JAK3: variants seen among roughly 807,000 people sequenced by gnomAD.
The protein encoded by JAK3 is Janus kinase 3, also known as tyrosine-protein kinase JAK3.
In JAK3, 88 loss-of-function variants were observed where a neutral mutation model predicts 120.8. The observed-to-expected ratio is 0.73, with a 90% CI of 0.61 to 0.87. The LOEUF (loss-of-function observed/expected upper bound fraction) is 0.87, where lower values mean the gene tolerates loss of function less well. JAK3 is among the 40% of genes least tolerant of loss of function. JAK3 has a pLI of 0.00. For missense variants in JAK3, 1,254 were observed against 1,501.4 expected (o/e 0.84, Z 2.72); for synonymous variants, 592 against 628.6 (o/e 0.94, Z 0.87).
rs946321975 is a variant in JAK3 at position 17,824,915 on chromosome 19, G to A, written c.*1828C>T. ...ACACAGACACTTCCCCAGCCCCAGG[G>A]CCAGAGTGGGGCTGGAGGGAAGGAC... On this transcript the variant is annotated 3_prime_UTR_variant, in exon 24 of 24. Transcript: ENST00000458235. 4.6e-6 allele frequency: 1 copy of A among 218,724 alleles called. No homozygotes were observed. Among genetic ancestry groups the A allele is most frequent in the Non-Finnish European group, 9.2e-6 (1 of 108,858 alleles). The allele number at this position is 218,724 out of a possible 1,614,324, so 13.5% of individuals were successfully genotyped here. A position where few individuals can be genotyped will look rare whatever the true frequency, so the allele number is the denominator to read the frequency against.
intron 17 of JAK3, among the ~76,000 whole-genome samples, chr19:17,833,918 CTGTT>C (rs1281984254): frequency 6.6e-6 from 1 of 151,826 alleles, no homozygotes; most frequent in African/African-American, 2.4e-5. Flanking sequence ...GGCTAATTTT[CTGTT>C]TGTTTGTTTG....
In JAK3 at chr19:17,843,071, C is replaced by G. The variant is rs761971689; in HGVS notation, c.522G>C (p.Ala174=). The G allele has an allele frequency of 3.7e-6, 6 of 1,610,660 alleles. No individual in the cohort carries two copies. Among genetic ancestry groups the G allele is most frequent in the African/African-American group, 1.3e-5 (1 of 74,920 alleles). ...SLAVLDLARM[A]REQAQRPGEL... ...CTCCCGGCCGCTGGGCCTGCTCTCG[C>G]GCCATCCGGGCCAGGTCCAACACGG... The change falls in exon 5 of 24, where the codon GCG becomes GCC. Residue 174 remains alanine (A), a synonymous_variant. Transcript: ENST00000458235. This position sits in a 1 kb window ranked among gnomAD's most constrained non-coding sequence, Gnocchi z 5.4.
rs763563528 is a variant in JAK3, at chr19:17,831,195, A to T, written c.2978+33T>A. ...TGGGGGCGGAGCCAGAGCCGTGGGG[A>T]ATAGGGGCGGAGCCTAGGCGCGGGT... On this transcript the variant is annotated intron_variant, in intron 21 of 23. Transcript: ENST00000458235. The surrounding 1 kb of genome is among the most constrained non-coding windows in gnomAD (Gnocchi z 5.1). 6.2e-7 allele frequency: 1 copy of T among 1,601,094 alleles called. No homozygotes were observed. The highest frequency in any genetic ancestry group is 1.1e-5 in the South Asian group (1 of 90,908).
rs1299327170 is a variant in JAK3 at position 17,830,094 on chromosome 19, C to A, written c.3207+14G>T. 1.3e-6 allele frequency: 2 copies of A among 1,548,338 alleles called. No individual in the cohort carries two copies. The highest frequency in any genetic ancestry group is 2.4e-5 in the East Asian group (1 of 41,616). On this transcript the variant is annotated intron_variant, in intron 23 of 23. Transcript: ENST00000458235. The stretch of plus-strand genomic sequence containing the variant: ...TACAGACTGGGAAACTGAGGCTAGC[C>A]CTGCGGCGCTCACCTCAGCAGGGCA...
At position 17,830,156 on chromosome 19, in the gene JAK3, C is replaced by A. The variant is rs2094211116; in HGVS notation, c.3159G>T (p.Leu1053=). 4 of 1,596,658 alleles carry A rather than the reference C, an allele frequency of 2.5e-6. No homozygotes were observed. The highest frequency in any genetic ancestry group is 3.4e-6 in the Non-Finnish European group (4 of 1,172,748). Residue 1053 remains leucine, a synonymous_variant, in exon 23 of 24, where the codon CTG becomes CTT. Coordinates refer to ENST00000458235, the MANE Select transcript of JAK3 (RefSeq NM_000215.4). The part of the protein sequence containing the change: ...DVPALCRLLE[L]LEEGQRLPAP... ...CCGGCAGCCTCTGGCCCTCCTCCAGCAGTTCCAAGAGGCGGCAGAGGGCGG... is the reference window on the plus strand; with the variant it reads ...CCGGCAGCCTCTGGCCCTCCTCCAGAAGTTCCAAGAGGCGGCAGAGGGCGG...
At chr19:17,837,307 C>A (rs2094226660) in intron 12 of JAK3, 94 bp from the exon 13 acceptor site, 1 of 940,262 alleles carries the variant, frequency 1.1e-6, no homozygotes, top group Non-Finnish European at 1.7e-6. Context: ...AGGGGAACAC[C>A]TGGCCACAGG....
intron 1 of JAK3, among the ~76,000 whole-genome samples, chr19:17,846,873 C>T (rs557385964): frequency 2.0e-5 from 3 of 151,368 alleles, no homozygotes; most frequent in Middle Eastern, 3.4e-3. Flanking sequence ...ACGTGAGCCA[C>T]ATTGCCCAGC....
In JAK3 at chr19:17,824,835, T is replaced by C; in HGVS notation, c.*1908A>G. On this transcript the variant is annotated 3_prime_UTR_variant, in exon 24 of 24. Transcript: ENST00000458235. The stretch of plus-strand genomic sequence containing the variant: ...ACAAACATTTCCAGAGCCCCCTCTG[T>C]ACTGAGGCCTCAGCCCAGCCCCCAA... 1 of 204,866 alleles carries C rather than the reference T, an allele frequency of 4.9e-6. No homozygotes were observed. The allele number at this position is 204,866 out of a possible 1,614,324, so 12.7% of individuals were successfully genotyped here.
chr19:17,847,881 A>G, intron 1 of JAK3, 65 bp downstream of exon 1: 1 of 483,664 alleles, frequency 2.1e-6, no homozygotes, highest in Non-Finnish European at 2.7e-6. Flanking sequence ...CAGCCCAGCC[A>G]TCCCCCGCCA....
rs2094243011 is a variant in JAK3, at chr19:17,842,729, G to A, written c.567-119C>T. On this transcript the variant is annotated intron_variant, in intron 5 of 23. Transcript: ENST00000458235. The surrounding 1 kb of genome is among the most constrained non-coding windows in gnomAD (Gnocchi z 6.4). ...GGTGCGGCCCTAGTTGGGGCACCAG[G>A]CACACACAGACTCTCATTCAGGGTC... 5 of 1,076,404 alleles carry A rather than the reference G, an allele frequency of 4.6e-6. No homozygotes were observed. The highest frequency in any genetic ancestry group is 2.7e-5 in the Admixed American group (1 of 37,450). The allele number at this position is 1,076,404 out of a possible 1,614,324, so 66.7% of individuals were successfully genotyped here. A position where few individuals can be genotyped will look rare whatever the true frequency, so the allele number is the denominator to read the frequency against.
chr19:17,829,162 A>G lies in JAK3; in HGVS notation c.3207+946T>C, dbSNP rs574528835. The stretch of plus-strand genomic sequence containing the variant: ...TTATTTTTATCTTATTTGTTTGTTT[A>G]TTTATTTATTTATTTATTTTGAGAT... On this transcript the variant is annotated intron_variant, in intron 23 of 23. Coordinates refer to ENST00000458235, the MANE Select transcript of JAK3 (RefSeq NM_000215.4). 1.4e-4 allele frequency among the ~76,000 whole-genome samples: 21 copies of G among 148,596 alleles called. No individual in the cohort carries two copies. The East Asian group carries it at 2.7e-3, about 19-fold the overall frequency.
rs866815271 is a variant in JAK3, at chr19:17,830,098, C to A, written c.3207+10G>T. 3 of 1,556,340 alleles carry A rather than the reference C, an allele frequency of 1.9e-6. No homozygotes were observed. Among genetic ancestry groups the A allele is most frequent in the East Asian group, 2.4e-5 (1 of 41,792 alleles). The stretch of plus-strand genomic sequence containing the variant: ...GACTGGGAAACTGAGGCTAGCCCTG[C>A]GGCGCTCACCTCAGCAGGGCAGGCA... On this transcript the variant is annotated intron_variant, in intron 23 of 23. Coordinates refer to ENST00000458235, the MANE Select transcript of JAK3 (RefSeq NM_000215.4).
Position 17,834,708 on chromosome 19 carries a change from T to A in JAK3, c.2213A>T (p.Tyr738Phe). 2 of 1,613,978 alleles carry A rather than the reference T, an allele frequency of 1.2e-6. No individual in the cohort carries two copies. Among genetic ancestry groups the A allele is most frequent in the Non-Finnish European group, 1.7e-6 (2 of 1,179,978 alleles). Residue 738 changes from tyrosine to phenylalanine, a missense_variant, in exon 17 of 24, where the codon TAT becomes TTT. Physicochemically the swap from Tyr to Phe is conservative, Grantham distance 22. This residue lies in a region of JAK3 where 630 missense variants were observed against 819.8 expected (regional missense o/e 0.77). Transcript: ENST00000458235. ...GGCCGGCAGCTGCTGCCGGTCCTCA[T>A]AAAATTGGAGTTTCTGAGGGTGAGA... ...ALDPAKKLQF[Y>F]EDRQQLPAPK...
In JAK3 at chr19:17,842,516, G is replaced by C; in HGVS notation, c.661C>G (p.Leu221Val). 2 of 1,593,882 alleles carry C rather than the reference G, an allele frequency of 1.3e-6. No individual in the cohort carries two copies. Among genetic ancestry groups the C allele is most frequent in the South Asian group, 1.1e-5 (1 of 88,458 alleles). ...RRIRRTVRRA[L>V]RRVAACQADR... is the part of the protein sequence containing the mutation. ...GCCTGGCAGGCGGCCACGCGGCGCA[G>C]GGCTCTGCGCACCGTCCTCCGAATA... Residue 221 changes from leucine (L) to valine (V), a missense_variant, in exon 6 of 24, where the codon CTG becomes GTG. Physicochemically the swap from Leu to Val is conservative, Grantham distance 32. This residue lies in a region of JAK3 where 486 missense variants were observed against 503.0 expected (regional missense o/e 0.97). Transcript: ENST00000458235. This position sits in a 1 kb window ranked among gnomAD's most constrained non-coding sequence, Gnocchi z 6.4.
chr19:17,839,623 C>T lies in JAK3; in HGVS notation c.1295G>A (p.Arg432His), dbSNP rs749143191. 1.2e-5 allele frequency: 19 copies of T among 1,612,000 alleles called. No homozygotes were observed. The highest frequency in any genetic ancestry group is 1.2e-4 in the Admixed American group (7 of 59,714). ...CAGAAGGAAGGTTCCTGTGGGGCTG[C>T]GCCGGATGAGGCAGCCCTTATAATC... ...GPDYKGCLIR[R>H]SPTGTFLLVG... is the part of the protein sequence containing the mutation. Residue 432 changes from arginine (R) to histidine (H), a missense_variant, in exon 10 of 24, where the codon CGC becomes CAC. This residue lies in a region of JAK3 where 486 missense variants were observed against 503.0 expected (regional missense o/e 0.97). Coordinates refer to ENST00000458235, the MANE Select transcript of JAK3 (RefSeq NM_000215.4).
chr19:17,837,233 A>T lies in JAK3; in HGVS notation c.1702-20T>A. 6.5e-7 allele frequency: 1 copy of T among 1,549,266 alleles called. No homozygotes were observed. The highest frequency in any genetic ancestry group is 1.2e-5 in the South Asian group (1 of 84,168). ...GAATGACTGGGGAAGGTGGGAAGGG[A>T]GAGAAGATGCGTGGGTTTCTTCCAC... On this transcript the variant is annotated intron_variant, in intron 12 of 23. Coordinates refer to ENST00000458235, the MANE Select transcript of JAK3 (RefSeq NM_000215.4).
Position 17,826,402 on chromosome 19 carries a change from T to TAA in JAK3, c.*339_*340dup. 3.2e-6 allele frequency: 1 copy of TAA among 308,268 alleles called. No individual in the cohort carries two copies. Among genetic ancestry groups the TAA allele is most frequent in the Non-Finnish European group, 6.1e-6 (1 of 163,358 alleles). The allele number at this position is 308,268 out of a possible 1,614,324, so 19.1% of individuals were successfully genotyped here. A position where few individuals can be genotyped will look rare whatever the true frequency, so the allele number is the denominator to read the frequency against. On this transcript the variant is annotated 3_prime_UTR_variant, in exon 24 of 24. Transcript: ENST00000458235. ...TCTGTCTCAAAAATAAAAATAAAAA[T>TAA]AAAAAAAATAAAAAGAGAGAGACAG...
chr19:17,836,659 C>T (rs939215846), intron 13 of JAK3: 5 of 408,296 alleles, frequency 1.2e-5, no homozygotes, highest in African/African-American at 1.0e-4. Flanking sequence ...TTGTCCTTAT[C>T]TTTCCAGGTT....
rs1315646138 is a variant in JAK3, at chr19:17,831,332, C to G, written c.2874G>C (p.Glu958Asp). ...RDLAARNILV[E>D]SEAHVKIADF... The stretch of plus-strand genomic sequence containing the variant: ...CAGCGATCTTGACGTGTGCCTCGCT[C>G]TCCACGAGGATGTTTCGGGCGGCCA... Residue 958 changes from glutamate to aspartate, a missense_variant, in exon 21 of 24, where the codon GAG (glutamate) becomes GAC (aspartate). Glu to Asp is a conservative substitution (Grantham distance 45). Around this residue, in one of 3 missense-constraint regions of JAK3, gnomAD observed 630 missense variants for 819.8 expected, o/e 0.77. Coordinates refer to ENST00000458235, the MANE Select transcript of JAK3 (RefSeq NM_000215.4). This position sits in a 1 kb window ranked among gnomAD's most constrained non-coding sequence, Gnocchi z 5.1. The G allele has an allele frequency of 6.2e-7, 1 of 1,611,954 alleles. No homozygotes were observed. Among genetic ancestry groups the G allele is most frequent in the East Asian group, 2.2e-5 (1 of 44,872 alleles).
Sources: allele counts gnomAD v4.1 joint callset (sites outside exome capture counted in the v4.1 genomes callset), GRCh38; gene constraint gnomAD v4.1.1; regional missense constraint gnomAD v4.1.1; non-coding constraint Gnocchi (gnomAD v3.1); transcripts MANE v1.5; gene names NCBI Gene and HGNC (gene_info 2026-07-23, HGNC 2026-07-21).